Variants in CCSER1 observed in about 807,000 individuals in gnomAD.
The protein encoded by CCSER1 is coiled-coil serine rich protein 1.
In CCSER1, 41 loss-of-function variants were observed where a neutral mutation model predicts 82.0. That is an observed-to-expected ratio of 0.50 (90% CI 0.39 to 0.65). The LOEUF (loss-of-function observed/expected upper bound fraction) is 0.65. CCSER1 is among the 30% of genes least tolerant of loss of function. The pLI is 0.00. For missense variants in CCSER1, 1,119 were observed against 1,064.2 expected, an observed-to-expected ratio of 1.05 and a Z score of -0.72; for synonymous variants, 414 against 383.9, an observed-to-expected ratio of 1.08 and a Z score of -0.92.
chr4:90,634,156 C>A (rs1305711622), intron 6 of CCSER1, among the ~76,000 whole-genome samples: 1 of 151,408 alleles, frequency 6.6e-6, no homozygotes, highest in Non-Finnish European at 1.5e-5. Context: ...CTTTATCAAA[C>A]AAATATATTT....
At chr4:90,854,937 G>A (rs576642346) in intron 8 of CCSER1, among the ~76,000 whole-genome samples, 1 of 152,204 alleles carries the variant, frequency 6.6e-6, no homozygotes, top group Non-Finnish European at 1.5e-5. Context: ...TATAATCATG[G>A]CTGAAGGGTT....
At chr4:90,880,600 T>A (rs1176789770) in intron 8 of CCSER1, among the ~76,000 whole-genome samples, 1 of 152,178 alleles carries the variant, frequency 6.6e-6, no homozygotes. Context: ...CCTTGGAGGC[T>A]CTGTCCAGGG....
chr4:90,472,369 ATTTTAC>A (rs1034640532), intron 5 of CCSER1, among the ~76,000 whole-genome samples: 83 of 152,258 alleles, frequency 5.5e-4, no homozygotes, highest in African/African-American at 2.0e-3. Context: ...GATGATAAAT[ATTTTAC>A]TTTTGACTTT....
chr4:90,301,115 A>G (rs1733018240), intron 1 of CCSER1, among the ~76,000 whole-genome samples: 1 of 152,100 alleles, frequency 6.6e-6, no homozygotes, highest in Admixed American at 6.6e-5. Flanking sequence ...ATTGACAGGC[A>G]TGAACCAGTG....
At chr4:90,504,184 A>G (rs576773423) in intron 5 of CCSER1, among the ~76,000 whole-genome samples, 1 of 152,082 alleles carries the variant, frequency 6.6e-6, no homozygotes, top group Non-Finnish European at 1.5e-5. Context: ...GGCATATTTC[A>G]TATACAGAAT....
Position 91,485,133 on chromosome 4 carries a change from A to G in CCSER1, c.2218-113439A>G, listed in dbSNP as rs534713196. ...CTACATGGATAAAAAGCTATTTCCC[A>G]TAACATTTCTTTGGTATGAAACAGT... On this transcript the variant is annotated intron_variant, in intron 10 of 10. Transcript: ENST00000509176. Among the ~76,000 whole-genome samples, 17 of 152,196 alleles carry G rather than the reference A, an allele frequency of 1.1e-4. 1 individual carries two copies. In the South Asian group the frequency reaches 3.5e-3, roughly 32 times the overall value.
chr4:90,256,834 A>C (rs890691604), intron 1 of CCSER1, among the ~76,000 whole-genome samples: 6 of 152,138 alleles, frequency 3.9e-5, no homozygotes, highest in African/African-American at 1.4e-4. Context: ...AATACAGTAA[A>C]ATAAGACATT....
intron 5 of CCSER1, among the ~76,000 whole-genome samples, chr4:90,545,422 C>T (rs1454076074): frequency 2.0e-5 from 3 of 152,012 alleles, no homozygotes; most frequent in African/African-American, 7.2e-5. Flanking sequence ...AAAACCTAAC[C>T]ATGATTTATA....
intron 5 of CCSER1, among the ~76,000 whole-genome samples, chr4:90,608,477 C>T (rs565772869): frequency 1.3e-4 from 20 of 152,188 alleles, no homozygotes; most frequent in South Asian, 4.1e-4. Flanking sequence ...GCTAAGCACA[C>T]GATATCCCAT....
intron 4 of CCSER1, among the ~76,000 whole-genome samples, chr4:90,422,666 G>A (rs541907232): frequency 1.4e-4 from 21 of 151,694 alleles, no homozygotes; most frequent in South Asian, 1.3e-3. Flanking sequence ...AACACCAAAC[G>A]AACAAACAAA....
chr4:91,306,146 A>G (rs1421699203), intron 10 of CCSER1, among the ~76,000 whole-genome samples: 1 of 151,624 alleles, frequency 6.6e-6, no homozygotes, highest in African/African-American at 2.4e-5. Flanking sequence ...ATCATTGCCA[A>G]CCTTTCATAT....
intron 10 of CCSER1, among the ~76,000 whole-genome samples, chr4:91,180,140 C>T (rs567492885): frequency 6.6e-6 from 1 of 152,316 alleles, no homozygotes; most frequent in Admixed American, 6.5e-5. Context: ...TGCAGAACAG[C>T]AGTTGTTGCT....
chr4:91,288,081 C>CAT (rs1160258033), intron 10 of CCSER1, among the ~76,000 whole-genome samples: 6 of 147,430 alleles, frequency 4.1e-5, no homozygotes, highest in African/African-American at 9.9e-5. Context: ...TATATACACT[C>CAT]ATATATATAT....
chr4:90,606,212 T>C (rs1244697251), intron 5 of CCSER1, among the ~76,000 whole-genome samples: 3 of 152,172 alleles, frequency 2.0e-5, no homozygotes, highest in Admixed American at 6.5e-5. Flanking sequence ...CTAGTTGTTA[T>C]TATACTGTCA....
At chr4:90,588,072 TC>T (rs1424315944) in intron 5 of CCSER1, among the ~76,000 whole-genome samples, 1 of 152,212 alleles carries the variant, frequency 6.6e-6, no homozygotes, top group African/African-American at 2.4e-5. Context: ...CTAACAGTCA[TC>T]CAAATCATTA....
At position 91,135,638 on chromosome 4, in the gene CCSER1, G is replaced by A. The variant is rs934374364; in HGVS notation, c.2217+49644G>A. ...ACTGATTCATTAAGAAATATTAGAT[G>A]CACAGACACCTACACATGCACACAC... On this transcript the variant is annotated intron_variant, in intron 10 of 10. Coordinates refer to ENST00000509176, the MANE Select transcript of CCSER1 (RefSeq NM_001145065.2). Among the ~76,000 whole-genome samples, 11 of 151,826 alleles carry A rather than the reference G, an allele frequency of 7.2e-5. No individual in the cohort carries two copies. The South Asian group carries it at 1.0e-3, about 14-fold the overall frequency.
chr4:91,348,768 T>C (rs1198899957), intron 10 of CCSER1, among the ~76,000 whole-genome samples: 1 of 152,178 alleles, frequency 6.6e-6, no homozygotes, highest in East Asian at 1.9e-4. Flanking sequence ...TATAATCCTT[T>C]TAACATCCAG....
intron 10 of CCSER1, among the ~76,000 whole-genome samples, chr4:91,275,507 T>A (rs188556185): frequency 2.6e-5 from 4 of 152,314 alleles, no homozygotes; most frequent in Admixed American, 2.6e-4. Context: ...TGTCCAACTT[T>A]TAGTGGGTTT....
At chr4:90,499,250 A>T (rs966557775) in intron 5 of CCSER1, among the ~76,000 whole-genome samples, 3 of 152,070 alleles carry the variant, frequency 2.0e-5, no homozygotes, top group African/African-American at 7.2e-5. Flanking sequence ...AGTGCCTACT[A>T]TATGCAAGGT....
Sources: gnomAD v4.1 joint callset for allele counts (sites outside exome capture counted in the v4.1 genomes callset) on GRCh38, gnomAD v4.1.1 for gene constraint, MANE v1.5 for transcripts, NCBI Gene and HGNC (gene_info 2026-07-23, HGNC 2026-07-21) for gene names.